FASTKD3: variants seen among roughly 807,000 people sequenced by gnomAD.
FASTKD3 encodes the protein FAST kinase domains 3, also known as FAST kinase domain-containing protein 3, mitochondrial.
Under a neutral mutation model 49.7 loss-of-function variants are expected in FASTKD3, and 47 were observed. The ratio of observed to expected loss-of-function variants is 0.95; its 90% CI spans 0.75 to 1.21. FASTKD3 has a LOEUF of 1.21. Among genes scored for constraint, FASTKD3 ranks in the 50% most tolerant of loss-of-function variants. The pLI is 0.00. For missense variants in FASTKD3, 748 were observed against 765.7 expected (o/e 0.98, Z 0.27); for synonymous variants, 284 against 288.6 (o/e 0.98, Z 0.16).
chr5:7,860,291 G>T (rs162024), intron 6 of FASTKD3, among the ~76,000 whole-genome samples: 90,023 of 152,024 alleles, frequency 0.59, 28,222 homozygotes, highest in African/African-American at 0.8. Context: ...TTAGGGCAGC[G>T]CTCATTCTCA....
At position 7,868,103 on chromosome 5, in the gene FASTKD3, G is replaced by C; in HGVS notation, c.-20C>G. 6.8e-7 allele frequency: 1 copy of C among 1,464,090 alleles called. No individual in the cohort carries two copies. Among genetic ancestry groups the C allele is most frequent in the Non-Finnish European group, 9.2e-7 (1 of 1,092,306 alleles). 90.7% of individuals were successfully genotyped at this position (1,464,090 alleles called of 1,614,324 possible). Reference sequence around the variant, plus strand: ...TGCCATACCATCAGATTCTCAATTTGATAACTAAATTAAAAAATTTAAAAA... The same window carrying C: ...TGCCATACCATCAGATTCTCAATTTCATAACTAAATTAAAAAATTTAAAAA... On this transcript the variant is annotated 5_prime_UTR_variant, in exon 2 of 7. The change creates a new upstream start codon in the 5' untranslated region. Transcript: ENST00000264669.
At chr5:7,868,517 T>C (rs930389477) in intron 1 of FASTKD3, among the ~76,000 whole-genome samples, 3 of 152,118 alleles carry the variant, frequency 2.0e-5, no homozygotes, top group Non-Finnish European at 4.4e-5. Flanking sequence ...AGAAATTGCA[T>C]TTGGATAGAA....
At position 7,867,345 on chromosome 5, in the gene FASTKD3, T is replaced by C; in HGVS notation, c.739A>G (p.Lys247Glu). ...TCCTCCGGGGTAAATGTTTCCAATT[T>C]TTCACCTTGAAGTTGATTTATAATG... ...ELIINQLQGE[K>E]LETFTPEDIV... The change falls in exon 2 of 7, where the codon AAA becomes GAA. Residue 247 changes from lysine to glutamate, a missense_variant. By Grantham distance (56) the Lys-to-Glu change is moderately conservative. Around this residue, in one of 3 missense-constraint regions of FASTKD3, gnomAD observed 564 missense variants for 562.8 expected, o/e 1.00. Transcript: ENST00000264669. 1 of 1,614,150 alleles carries C rather than the reference T, an allele frequency of 6.2e-7. No individual in the cohort carries two copies. The highest frequency in any genetic ancestry group is 1.7e-5 in the Admixed American group (1 of 60,032).
rs188664995 is a variant in FASTKD3 at position 7,864,193 on chromosome 5, A to C, written c.1525-1196T>G. On this transcript the variant is annotated intron_variant, in intron 3 of 6. Coordinates refer to ENST00000264669, the MANE Select transcript of FASTKD3 (RefSeq NM_024091.4). ...TTCTTACCACAAAATAAAATGATAG[A>C]TATGGAGGTAATACACATGTTAATT... is the stretch of plus-strand genomic sequence containing the variant. Among the ~76,000 whole-genome samples the C allele has an allele frequency of 5.9e-5, 9 of 152,312 alleles. No homozygotes were observed. The East Asian group carries it at 1.5e-3, about 26-fold the overall frequency.
At chr5:7,861,910 T>C (rs1250509379) in intron 4 of FASTKD3, 2 of 449,074 alleles carry the variant, frequency 4.5e-6, no homozygotes, top group Non-Finnish European at 6.9e-6. Context: ...ATCTGGGGTA[T>C]GACAAGAACC....
At chr5:7,868,888 C>G in intron 1 of FASTKD3, 91 bp downstream of exon 1, 1 of 576,400 alleles carries the variant, frequency 1.7e-6, no homozygotes, top group Admixed American at 2.8e-5. Context: ...CGCTGAGACA[C>G]GGGCCGGGCG....
chr5:7,867,272 T>C lies in FASTKD3; in HGVS notation c.812A>G (p.Asp271Gly), dbSNP rs1747034261. 2 of 1,613,702 alleles carry C rather than the reference T, an allele frequency of 1.2e-6. No individual in the cohort carries two copies. The highest frequency in any genetic ancestry group is 1.3e-5 in the African/African-American group (1 of 74,936). Residue 271 changes from aspartate to glycine, a missense_variant, in exon 2 of 7, where the codon GAT becomes GGT. This residue lies in a region of FASTKD3 where 564 missense variants were observed against 562.8 expected (regional missense o/e 1.00). Coordinates refer to ENST00000264669, the MANE Select transcript of FASTKD3 (RefSeq NM_024091.4). Reference sequence around the variant, plus strand: ...CTTATTTAAAAATGTTTGGTGTTCATCCACTTTTTCAGTACATGCCTGCAA... The same window carrying C: ...CTTATTTAAAAATGTTTGGTGTTCACCCACTTTTTCAGTACATGCCTGCAA... ...RILQACTEKV[D>G]EHQTFLNKIN...
At position 7,868,200 on chromosome 5, in the gene FASTKD3, G is replaced by GA. The variant is rs34274545; in HGVS notation, c.-113-5dup. The GA allele has an allele frequency of 0.013, 2,812 of 224,300 alleles. 28 individuals carry two copies. The highest frequency in any genetic ancestry group is 0.027 in the South Asian group (234 of 8,680). 13.9% of individuals were successfully genotyped at this position (224,300 alleles called of 1,614,324 possible). On this transcript the variant is annotated splice_polypyrimidine_tract_variant and splice_region_variant and intron_variant, in intron 1 of 6. Coordinates refer to ENST00000264669, the MANE Select transcript of FASTKD3 (RefSeq NM_024091.4). Reference sequence around the variant, plus strand: ...TTATGAAACTACAAACGAGTATCTGGAAAAAAAAAAAAAAAAAAAAAAAGG... The same window carrying GA: ...TTATGAAACTACAAACGAGTATCTGGAAAAAAAAAAAAAAAAAAAAAAAAGG...
Position 7,862,818 on chromosome 5 carries a change from C to T in FASTKD3, c.1699+5G>A. On this transcript the variant is annotated splice_donor_5th_base_variant and intron_variant, in intron 4 of 6. Transcript: ENST00000264669. ...TAAAACAACAAAACTCCTTATACTACTTACCTATTGTATAACAATAGGGTG... is the reference window on the plus strand; with the variant it reads ...TAAAACAACAAAACTCCTTATACTATTTACCTATTGTATAACAATAGGGTG... 6.2e-7 allele frequency: 1 copy of T among 1,607,702 alleles called. No individual in the cohort carries two copies. The highest frequency in any genetic ancestry group is 8.5e-7 in the Non-Finnish European group (1 of 1,176,000).
chr5:7,867,405 T>C lies in FASTKD3; in HGVS notation c.679A>G (p.Thr227Ala). The change falls in exon 2 of 7, where the codon ACA becomes GCA. Residue 227 changes from threonine (T) to alanine (A), a missense_variant. Thr to Ala is a moderately conservative substitution (Grantham distance 58, BLOSUM62 0). Coordinates refer to ENST00000264669, the MANE Select transcript of FASTKD3 (RefSeq NM_024091.4). ...GTCACACAACCTGAACTGTGCAGTG[T>C]AATCAGACTTTCCCCAAGAATACAA... Reference protein sequence around the residue: ...NLCILGESLITLHSSGCVTLE... With the variant: ...NLCILGESLIALHSSGCVTLE... The C allele has an allele frequency of 6.2e-7, 1 of 1,614,214 alleles. No individual in the cohort carries two copies. The highest frequency in any genetic ancestry group is 1.1e-5 in the South Asian group (1 of 91,090).
Position 7,867,717 on chromosome 5 carries a change from C to A in FASTKD3, c.367G>T (p.Glu123Ter). The A allele has an allele frequency of 6.2e-7, 1 of 1,614,188 alleles. No homozygotes were observed. The highest frequency in any genetic ancestry group is 8.5e-7 in the Non-Finnish European group (1 of 1,180,038). ...GCTGCCATAGTGTCAGGCAGGGTTT[C>A]CATCGTGCTTATAAAACTTAGCACT... ...EEVLSFISTM[E>*]TLPDTMAAGA... Residue 123 changes from glutamate to a stop codon, truncating the protein, a stop_gained, in exon 2 of 7, where the codon GAA becomes TAA. Transcript: ENST00000264669. LOFTEE classifies it high-confidence loss of function.
chr5:7,859,398 GCAAGTTCT>G lies in FASTKD3; in HGVS notation c.*29_*36del. 1.5e-6 allele frequency: 2 copies of G among 1,332,872 alleles called. No homozygotes were observed. The highest frequency in any genetic ancestry group is 1.1e-6 in the Non-Finnish European group (1 of 949,232). 82.6% of individuals were successfully genotyped at this position (1,332,872 alleles called of 1,614,324 possible). A position where few individuals can be genotyped will look rare whatever the true frequency, so the allele number is the denominator to read the frequency against. ...TTTTAATACTGAGTTCCATAAAAATGCAAGTTCTTCCATTGTTTGAGTTCTGAAGTCAG... is the reference window on the plus strand; with the variant it reads ...TTTTAATACTGAGTTCCATAAAAATGTCCATTGTTTGAGTTCTGAAGTCAG... On this transcript the variant is annotated 3_prime_UTR_variant, in exon 7 of 7. Coordinates refer to ENST00000264669, the MANE Select transcript of FASTKD3 (RefSeq NM_024091.4).
chr5:7,863,088 A>G, intron 3 of FASTKD3, 91 bp from the exon 4 acceptor site: 6 of 1,100,512 alleles, frequency 5.5e-6, no homozygotes, highest in South Asian at 2.7e-5. Flanking sequence ...AAAGTTTGAT[A>G]TAACATTACT....
Position 7,859,359 on chromosome 5 carries a change from A to G in FASTKD3, c.*76T>C. The stretch of plus-strand genomic sequence containing the variant: ...ACATATTCTGCAAAGTGGCTAATTC[A>G]CATTATATTTTTCTTTTAATACTGA... On this transcript the variant is annotated 3_prime_UTR_variant, in exon 7 of 7. Transcript: ENST00000264669. The G allele has an allele frequency of 1.2e-6, 1 of 857,504 alleles. No homozygotes were observed. The highest frequency in any genetic ancestry group is 1.8e-6 in the Non-Finnish European group (1 of 553,194). 53.1% of individuals were successfully genotyped at this position (857,504 alleles called of 1,614,324 possible). A position where few individuals can be genotyped will look rare whatever the true frequency, so the allele number is the denominator to read the frequency against.
Position 7,868,896 on chromosome 5 carries a change from G to A in FASTKD3, c.-114+83C>T. On this transcript the variant is annotated intron_variant, in intron 1 of 6. Coordinates refer to ENST00000264669, the MANE Select transcript of FASTKD3 (RefSeq NM_024091.4). ...GGACCTGCGCTGAGACACGGGCCGG[G>A]CGGCGCAGCCTGAGGAGAAAGCCGG... The A allele has an allele frequency of 5.1e-6, 3 of 587,886 alleles. No homozygotes were observed. The South Asian group carries it at 5.7e-5, about 11-fold the overall frequency. The allele number at this position is 587,886 out of a possible 1,614,324, so 36.4% of individuals were successfully genotyped here.
Position 7,861,642 on chromosome 5 carries a change from A to C in FASTKD3, c.1710T>G (p.Ile570Met). 1 of 1,608,852 alleles carries C rather than the reference A, an allele frequency of 6.2e-7. No homozygotes were observed. Among genetic ancestry groups the C allele is most frequent in the Non-Finnish European group, 8.5e-7 (1 of 1,177,340 alleles). ...TPYCYTIDVEIKLDEEGFVLP... is the reference protein window; with the variant it reads ...TPYCYTIDVEMKLDEEGFVLP... ...ATACAAATCCTTCTTCATCTAATTT[A>C]ATTTCAACATCTGGTGAGAGAAGAA... is the stretch of plus-strand genomic sequence containing the variant. Residue 570 changes from isoleucine (I) to methionine (M), a missense_variant, in exon 5 of 7, where the codon ATT (isoleucine) becomes ATG (methionine). By Grantham distance (10) the Ile-to-Met change is conservative (BLOSUM62 1). Coordinates refer to ENST00000264669, the MANE Select transcript of FASTKD3 (RefSeq NM_024091.4).
chr5:7,859,889 G>A (rs1746407504), intron 6 of FASTKD3, among the ~76,000 whole-genome samples: 1 of 152,174 alleles, frequency 6.6e-6, no homozygotes, highest in South Asian at 2.1e-4. Flanking sequence ...AAGAGGGAGT[G>A]AGCATTTCAT....
intron 1 of FASTKD3, 121 bp downstream of exon 1, chr5:7,868,858 C>T: frequency 1.8e-6 from 1 of 545,012 alleles, no homozygotes; most frequent in Non-Finnish European, 3.3e-6. Context: ...CACCCCCAAA[C>T]TCGGCGCCCC....
chr5:7,866,727 G>A lies in FASTKD3; in HGVS notation c.1357C>T (p.His453Tyr), dbSNP rs1746981182. The change falls in exon 2 of 7, where the codon CAT (histidine) becomes TAT (tyrosine). Residue 453 changes from histidine to tyrosine, a missense_variant. Physicochemically the swap from His to Tyr is moderately conservative, Grantham distance 83. Coordinates refer to ENST00000264669, the MANE Select transcript of FASTKD3 (RefSeq NM_024091.4). Reference protein sequence around the residue: ...FPPKSLLKLLHSCSLNECHPV... With the variant: ...FPPKSLLKLLYSCSLNECHPV... ...TGGCATTCATTAAGTGAACATGAAT[G>A]AAGAAGTTTCAATAATGATTTGGGT... 6.2e-7 allele frequency: 1 copy of A among 1,613,762 alleles called. No homozygotes were observed. Among genetic ancestry groups the A allele is most frequent in the Non-Finnish European group, 8.5e-7 (1 of 1,179,910 alleles).
Sources: allele counts gnomAD v4.1 joint callset (sites outside exome capture counted in the v4.1 genomes callset), GRCh38; gene constraint gnomAD v4.1.1; regional missense constraint gnomAD v4.1.1; transcripts MANE v1.5; gene names NCBI Gene and HGNC (gene_info 2026-07-23, HGNC 2026-07-21).